CSMD1: variants seen among roughly 807,000 people sequenced by gnomAD.
CSMD1 encodes CUB and Sushi multiple domains 1, also known as CUB and sushi domain-containing protein 1.
A neutral mutation model predicts 417.5 loss-of-function variants in CSMD1; 213 were observed. That is an observed-to-expected ratio of 0.51 (90% CI 0.46 to 0.57). CSMD1 has a LOEUF of 0.57. CSMD1 is among the 20% of genes least tolerant of loss of function. The pLI, the probability that CSMD1 is intolerant of heterozygous loss-of-function variation, is 0.00. For synonymous variants in CSMD1, 2,862 were observed against 1,736.8 expected (o/e 1.65, Z -16.11); for missense variants, 6,923 against 4,529.7 (o/e 1.53, Z -15.17).
At chr8:4,380,278 C>G (rs189205910) in intron 3 of CSMD1, among the ~76,000 whole-genome samples, 1 of 152,262 alleles carries the variant, frequency 6.6e-6, no homozygotes, top group Admixed American at 6.5e-5. Flanking sequence ...TGCCAGGTGA[C>G]TAAGGTCAGC....
At chr8:3,124,337 T>C (rs1184713456) in intron 41 of CSMD1, among the ~76,000 whole-genome samples, 1 of 152,228 alleles carries the variant, frequency 6.6e-6, no homozygotes, top group Non-Finnish European at 1.5e-5. Flanking sequence ...GAATTGTAAG[T>C]TGCATAAATT....
intron 3 of CSMD1, among the ~76,000 whole-genome samples, chr8:4,256,488 G>T (rs539290859): frequency 6.6e-6 from 1 of 152,306 alleles, no homozygotes; most frequent in African/African-American, 2.4e-5. Flanking sequence ...GTAAAGGGAG[G>T]TTCTCAGTGA....
chr8:3,934,334 A>T (rs533964930), intron 5 of CSMD1, among the ~76,000 whole-genome samples: 3 of 152,216 alleles, frequency 2.0e-5, no homozygotes, highest in Non-Finnish European at 4.4e-5. Flanking sequence ...AATAGTTAAC[A>T]CGTACAAAAA....
At chr8:4,655,280 ATGC>A (rs1804156121) in intron 1 of CSMD1, among the ~76,000 whole-genome samples, 1 of 152,086 alleles carries the variant, frequency 6.6e-6, no homozygotes, top group Non-Finnish European at 1.5e-5. Context: ...GGTCACTGCC[ATGC>A]TGCTATCCTG....
chr8:3,254,018 G>A (rs531160644), intron 26 of CSMD1, among the ~76,000 whole-genome samples: 22 of 152,308 alleles, frequency 1.4e-4, no homozygotes, highest in African/African-American at 5.1e-4. Flanking sequence ...GGTACTAGTT[G>A]TTCCTTTCCA....
chr8:4,413,658 G>T (rs1796771651), intron 3 of CSMD1, among the ~76,000 whole-genome samples: 1 of 152,122 alleles, frequency 6.6e-6, no homozygotes. Flanking sequence ...ACACGCAATG[G>T]TGTACCGCGG....
intron 1 of CSMD1, among the ~76,000 whole-genome samples, chr8:4,666,930 G>C (rs1274114962): frequency 1.3e-5 from 2 of 151,602 alleles, no homozygotes; most frequent in Non-Finnish European, 2.9e-5. Context: ...AAAGTTCTTT[G>C]CCTCAATTTG....
intron 2 of CSMD1, among the ~76,000 whole-genome samples, chr8:4,586,535 AAATCAATGTTTTTAT>A: frequency 6.6e-6 from 1 of 152,200 alleles, no homozygotes; most frequent in African/African-American, 2.4e-5. Flanking sequence ...TTTCCAGGAA[AAATCAATGTTTTTAT>A]GGACGTAACC....
At position 4,302,887 on chromosome 8, in the gene CSMD1, T is replaced by G. The variant is rs1378701098; in HGVS notation, c.415+117066A>C. Among the ~76,000 whole-genome samples, 4 of 152,102 alleles carry G rather than the reference T, an allele frequency of 2.6e-5. 1 individual carries two copies. Among genetic ancestry groups the G allele is most frequent in the African/African-American group, 9.7e-5 (4 of 41,424 alleles). Reference sequence around the variant, plus strand: ...CCAGCAGTTTAAATGTTGGCCTCCATGCTGATTCATATTAACTCAAAAGAC... The same window carrying G: ...CCAGCAGTTTAAATGTTGGCCTCCAGGCTGATTCATATTAACTCAAAAGAC... On this transcript the variant is annotated intron_variant, in intron 3 of 69. Coordinates refer to ENST00000635120, the MANE Select transcript of CSMD1 (RefSeq NM_033225.6).
intron 7 of CSMD1, among the ~76,000 whole-genome samples, chr8:3,629,167 G>A (rs1248666056): frequency 2.0e-5 from 3 of 152,122 alleles, no homozygotes; most frequent in African/African-American, 4.8e-5. Context: ...ATGTTCGCAG[G>A]ACGCAGGGGA....
intron 7 of CSMD1, among the ~76,000 whole-genome samples, chr8:3,694,443 G>A (rs1171941606): frequency 6.6e-6 from 1 of 152,148 alleles, no homozygotes; most frequent in Non-Finnish European, 1.5e-5. Flanking sequence ...GCAGACAGCT[G>A]CATACATGAG....
At chr8:4,437,801 G>C (rs540803609) in intron 2 of CSMD1, among the ~76,000 whole-genome samples, 265 of 152,268 alleles carry the variant, frequency 1.7e-3, no homozygotes, top group African/African-American at 6.2e-3. Flanking sequence ...GAACTTCATA[G>C]GCCGTGTTTG....
intron 17 of CSMD1, among the ~76,000 whole-genome samples, chr8:3,389,968 G>C (rs1006710396): frequency 6.6e-6 from 1 of 152,144 alleles, no homozygotes; most frequent in African/African-American, 2.4e-5. Flanking sequence ...GAGGACTGTT[G>C]AGTGGTAGAA....
intron 3 of CSMD1, among the ~76,000 whole-genome samples, chr8:4,357,908 A>T (rs1348349320): frequency 6.6e-6 from 1 of 152,150 alleles, no homozygotes; most frequent in Non-Finnish European, 1.5e-5. Flanking sequence ...AGTATTTATA[A>T]AAAATAGAGA....
At chr8:4,124,269 G>T (rs1490919560) in intron 3 of CSMD1, among the ~76,000 whole-genome samples, 1 of 152,070 alleles carries the variant, frequency 6.6e-6, no homozygotes, top group Non-Finnish European at 1.5e-5. Context: ...AGCACTGACT[G>T]GCAAATTAAT....
chr8:4,514,696 A>G (rs1803020726), intron 2 of CSMD1, among the ~76,000 whole-genome samples: 1 of 152,220 alleles, frequency 6.6e-6, no homozygotes, highest in Non-Finnish European at 1.5e-5. Context: ...CCTGGTACCT[A>G]ATATAGATAC....
At position 3,235,133 on chromosome 8, in the gene CSMD1, C is replaced by T. The variant is rs981257985; in HGVS notation, c.4154-4902G>A. On this transcript the variant is annotated intron_variant, in intron 26 of 69. Transcript: ENST00000635120. ...AAGTGTATAATATTAAAATAATTGT[C>T]ATACAGTGATAGTCACTGTAAATAT... 3.9e-4 allele frequency among the ~76,000 whole-genome samples: 60 copies of T among 152,132 alleles called. 1 individual carries two copies. The highest frequency in any genetic ancestry group is 1.5e-5 in the Non-Finnish European group (1 of 68,020).
At chr8:4,462,545 T>A (rs535517105) in intron 2 of CSMD1, among the ~76,000 whole-genome samples, 40 of 152,226 alleles carry the variant, frequency 2.6e-4, no homozygotes, top group Admixed American at 6.5e-4. Flanking sequence ...AAAACAATCT[T>A]TAAAAAAGAA....
intron 50 of CSMD1, among the ~76,000 whole-genome samples, chr8:3,047,163 C>T (rs2128986696): frequency 7.0e-6 from 1 of 142,010 alleles, no homozygotes; most frequent in East Asian, 2.1e-4. Flanking sequence ...GACCAAGATC[C>T]AGATCACACC....
Sources: allele counts gnomAD v4.1 joint callset (sites outside exome capture counted in the v4.1 genomes callset), GRCh38; gene constraint gnomAD v4.1.1; transcripts MANE v1.5; gene names NCBI Gene and HGNC (gene_info 2026-07-23, HGNC 2026-07-21).